HMCN2: variants seen among roughly 807,000 people sequenced by gnomAD.
The protein encoded by HMCN2 is hemicentin 2, also known as hemicentin-2.
HMCN2 carries 325 observed loss-of-function variants against 377.5 expected under a neutral mutation model. The ratio of observed to expected loss-of-function variants is 0.86; its 90% CI spans 0.79 to 0.94. The LOEUF (loss-of-function observed/expected upper bound fraction) is 0.94. Ranked by LOEUF, HMCN2 falls within the 40% of genes least tolerant of loss-of-function variation. The pLI is 0.00. For missense variants in HMCN2, 4,543 were observed against 4,725.3 expected, an observed-to-expected ratio of 0.96 and a Z score of 1.13; for synonymous variants, 2,007 against 2,046.8, an observed-to-expected ratio of 0.98 and a Z score of 0.53.
At position 130,382,254 on chromosome 9, in the gene HMCN2, CGAG is replaced by C; in HGVS notation, c.8504_8506del (p.Glu2835del). On this transcript the variant is annotated inframe_deletion, in exon 55 of 98. Transcript: ENST00000683500. ...GGAGGTACTCGTGCAAGGCCTCCAA[CGAG>C]GTGGGCGAGGACTGGCTGCACTACG... is the stretch of plus-strand genomic sequence containing the variant. 4 of 985,846 alleles carry C rather than the reference CGAG, an allele frequency of 4.1e-6. No homozygotes were observed. The highest frequency in any genetic ancestry group is 4.8e-6 in the Non-Finnish European group (4 of 829,944). The allele number at this position is 985,846 out of a possible 1,614,324, so 61.1% of individuals were successfully genotyped here.
At chr9:130,359,005 C>T (rs188557442) in intron 36 of HMCN2, among the ~76,000 whole-genome samples, 3 of 152,054 alleles carry the variant, frequency 2.0e-5, no homozygotes, top group East Asian at 1.9e-4. Flanking sequence ...TTCATATTTA[C>T]GTTTGCTTAT....
At chr9:130,279,181 G>A (rs1834974062) in intron 1 of HMCN2, among the ~76,000 whole-genome samples, 1 of 152,130 alleles carries the variant, frequency 6.6e-6, no homozygotes, top group Non-Finnish European at 1.5e-5. Flanking sequence ...TTACAGGCAT[G>A]AGCCACCTGC....
rs984772526 is a variant in HMCN2 at position 130,425,687 on chromosome 9, G to A, written c.13642G>A (p.Asp4548Asn). The change falls in exon 90 of 98, where the codon GAC becomes AAC. Residue 4548 changes from aspartate (D) to asparagine (N), a missense_variant and splice_region_variant. Around this residue, in one of 5 missense-constraint regions of HMCN2, gnomAD observed 1,155 missense variants for 1,157.7 expected, o/e 1.00. Coordinates refer to ENST00000683500, the MANE Select transcript of HMCN2 (RefSeq NM_001291815.2). ...TCCTCCCCTCCTCTTCATCCTGCAG[G>A]ACTTTGAGGAGCACTACGTGCAAAC... is the stretch of plus-strand genomic sequence containing the variant. ...SLADADLQVQ[D>N]FEEHYVQTGP... 2 of 1,543,000 alleles carry A rather than the reference G, an allele frequency of 1.3e-6. No homozygotes were observed. The highest frequency in any genetic ancestry group is 1.8e-6 in the Non-Finnish European group (2 of 1,142,674).
At chr9:130,343,443 AC>A (rs1349777888) in intron 25 of HMCN2, among the ~76,000 whole-genome samples, 1 of 152,126 alleles carries the variant, frequency 6.6e-6, no homozygotes, top group African/African-American at 2.4e-5. Flanking sequence ...GATGGCACCC[AC>A]CTAGGCAAGG....
intron 15 of HMCN2, among the ~76,000 whole-genome samples, chr9:130,317,089 G>C (rs1393054363): frequency 6.6e-6 from 1 of 151,992 alleles, no homozygotes; most frequent in Non-Finnish European, 1.5e-5. Flanking sequence ...GAAGATGGAG[G>C]GGGTGAGTGC....
At chr9:130,413,430 AC>A (rs1467227732) in intron 85 of HMCN2, among the ~76,000 whole-genome samples, 2 of 152,050 alleles carry the variant, frequency 1.3e-5, no homozygotes, top group Non-Finnish European at 2.9e-5. Context: ...CCCCTTTTGT[AC>A]CTAGTGTGTT....
rs1843600132 is a variant in HMCN2, at chr9:130,414,781, A to G, written c.12962-3991A>G. Among the ~76,000 whole-genome samples, 1 of 151,564 alleles carries G rather than the reference A, an allele frequency of 6.6e-6. No individual in the cohort carries two copies. Among genetic ancestry groups the G allele is most frequent in the Non-Finnish European group, 1.5e-5 (1 of 67,850 alleles). On this transcript the variant is annotated intron_variant, in intron 85 of 97. Coordinates refer to ENST00000683500, the MANE Select transcript of HMCN2 (RefSeq NM_001291815.2). The surrounding 1 kb of genome is among the most constrained non-coding windows in gnomAD (Gnocchi z 4.4). ...CCACACCCGGCTAATTTTTATTTTT[A>G]TGTATTTATTTTTTGTAGAGACAGG...
rs1843351463 is a variant in HMCN2 at position 130,410,501 on chromosome 9, C to T, written c.12880-70C>T. 1.5e-5 allele frequency: 21 copies of T among 1,440,414 alleles called. No homozygotes were observed. The South Asian group carries it at 2.6e-4, about 18-fold the overall frequency. The allele number at this position is 1,440,414 out of a possible 1,614,324, so 89.2% of individuals were successfully genotyped here. A position where few individuals can be genotyped will look rare whatever the true frequency, so the allele number is the denominator to read the frequency against. ...TTGCTGGCTGGCTGCCCTCAGTCCC[C>T]TACCCAACTGTCTGAGCCACTCATC... On this transcript the variant is annotated intron_variant, in intron 84 of 97. Transcript: ENST00000683500.
chr9:130,334,911 C>T (rs1838661499), intron 22 of HMCN2, among the ~76,000 whole-genome samples: 2 of 148,486 alleles, frequency 1.3e-5, no homozygotes, highest in Non-Finnish European at 3.0e-5. Context: ...AGTGGCACAA[C>T]CAGAGCTCTC....
intron 22 of HMCN2, among the ~76,000 whole-genome samples, chr9:130,337,227 G>C (rs1348288775): frequency 6.6e-6 from 1 of 152,200 alleles, no homozygotes; most frequent in African/African-American, 2.4e-5. Flanking sequence ...GGATGGGGGT[G>C]ATGTGACTTT....
At chr9:130,377,883 G>GTGT in intron 53 of HMCN2, 84 bp downstream of exon 53, 1 of 946,732 alleles carries the variant, frequency 1.1e-6, no homozygotes, top group Non-Finnish European at 1.3e-6. Flanking sequence ...CCCCCACCAT[G>GTGT]TGTCCTGCAG....
At chr9:130,352,906 C>T (rs1839808763) in intron 30 of HMCN2, 21 bp from the exon 31 acceptor site, 1 of 1,249,784 alleles carries the variant, frequency 8.0e-7, no homozygotes, top group South Asian at 1.4e-5. Flanking sequence ...CTGTGACCAG[C>T]CCCACCTCTT....
intron 28 of HMCN2, among the ~76,000 whole-genome samples, 181 bp downstream of exon 28, chr9:130,349,312 C>T (rs1588284146): frequency 6.6e-6 from 1 of 152,198 alleles, no homozygotes. Context: ...AGACATCAGA[C>T]AGGTGAATAG....
In HMCN2 at chr9:130,318,917, C is replaced by A. The variant is rs910740558; in HGVS notation, c.2351-578C>A. 3.2e-4 allele frequency among the ~76,000 whole-genome samples: 49 copies of A among 152,284 alleles called. 1 individual carries two copies. The South Asian group carries it at 9.3e-3, about 29-fold the overall frequency. On this transcript the variant is annotated intron_variant, in intron 15 of 97. Transcript: ENST00000683500. Reference sequence around the variant, plus strand: ...AATCCCCCCCGACGCTGGCTGTTTGCGGGGGCGGCAATAGAAGGGGCTGTG... The same window carrying A: ...AATCCCCCCCGACGCTGGCTGTTTGAGGGGGCGGCAATAGAAGGGGCTGTG...
chr9:130,367,329 G>T (rs1840748381), intron 43 of HMCN2, among the ~76,000 whole-genome samples: 1 of 152,120 alleles, frequency 6.6e-6, no homozygotes, highest in Admixed American at 6.5e-5. Flanking sequence ...AGCAGCCTGG[G>T]AGTAGCAAGA....
chr9:130,318,344 T>TAA (rs878986490), intron 15 of HMCN2, among the ~76,000 whole-genome samples: 109 of 150,246 alleles, frequency 7.3e-4, no homozygotes, highest in African/African-American at 2.3e-3. Context: ...CTCAAAGGGT[T>TAA]AAAATAAAAA....
chr9:130,321,055 C>G (rs1242092154), intron 18 of HMCN2, among the ~76,000 whole-genome samples, 152 bp downstream of exon 18: 1 of 152,154 alleles, frequency 6.6e-6, no homozygotes, highest in Admixed American at 6.5e-5. Flanking sequence ...TCAGAACCTT[C>G]TCTGATAATG....
At chr9:130,426,279 A>C (rs1844361117) in intron 90 of HMCN2, among the ~76,000 whole-genome samples, 1 of 152,252 alleles carries the variant, frequency 6.6e-6, no homozygotes, top group African/African-American at 2.4e-5. Context: ...CCAAGGAGCC[A>C]GGAACCACTG....
intron 1 of HMCN2, among the ~76,000 whole-genome samples, chr9:130,280,329 A>AT (rs36002092): frequency 2.3e-4 from 32 of 139,330 alleles, no homozygotes; most frequent in Non-Finnish European, 4.0e-4. Flanking sequence ...TGCCCGGCTA[A>AT]TTTTTTTTTT....
Sources: allele counts gnomAD v4.1 joint callset (sites outside exome capture counted in the v4.1 genomes callset), GRCh38; gene constraint gnomAD v4.1.1; regional missense constraint gnomAD v4.1.1; non-coding constraint Gnocchi (gnomAD v3.1); transcripts MANE v1.5; gene names NCBI Gene and HGNC (gene_info 2026-07-23, HGNC 2026-07-21).